ZNF804A: variants seen among roughly 807,000 people sequenced by gnomAD.
ZNF804A encodes zinc finger protein 804A.
A neutral mutation model predicts 16.5 loss-of-function variants in ZNF804A; 2 were observed. The ratio of observed to expected loss-of-function variants is 0.12; its 90% CI spans 0.05 to 0.38. ZNF804A has a LOEUF of 0.38. Ranked by LOEUF, ZNF804A falls within the 10% of genes least tolerant of loss-of-function variation. The probability of loss-of-function intolerance (pLI) is 0.99; values close to 1 mark genes in which losing one functional copy is unlikely to be tolerated. For missense variants in ZNF804A, 1,473 were observed against 1,390.7 expected (o/e 1.06, Z -0.94); for synonymous variants, 534 against 489.6 (o/e 1.09, Z -1.20).
chr2:184,609,647 G>A (rs114079628), intron 1 of ZNF804A, among the ~76,000 whole-genome samples: 3,073 of 152,292 alleles, frequency 0.02, 120 homozygotes, highest in African/African-American at 0.069. Flanking sequence ...TCTTCTCATA[G>A]CATTCTCACA....
chr2:184,640,943 T>C (rs1036632740), intron 1 of ZNF804A, among the ~76,000 whole-genome samples: 1 of 152,146 alleles, frequency 6.6e-6, no homozygotes, highest in Non-Finnish European at 1.5e-5. Flanking sequence ...TCCACTTATC[T>C]TTTTTAAAAT....
At chr2:184,829,202 G>C (rs947057446) in intron 1 of ZNF804A, among the ~76,000 whole-genome samples, 1 of 151,560 alleles carries the variant, frequency 6.6e-6, no homozygotes, top group Non-Finnish European at 1.5e-5. Flanking sequence ...AGTGCATTTA[G>C]ATTTATATCA....
chr2:184,692,987 G>A (rs149647579), intron 1 of ZNF804A, among the ~76,000 whole-genome samples: 2,522 of 152,146 alleles, frequency 0.017, 84 homozygotes, highest in African/African-American at 0.056. Context: ...TATAATATTA[G>A]TAAAATATTT....
chr2:184,897,414 T>TC (rs1685086719), intron 2 of ZNF804A, among the ~76,000 whole-genome samples: 1 of 151,046 alleles, frequency 6.6e-6, no homozygotes, highest in African/African-American at 2.4e-5. Flanking sequence ...TTTTGGATTT[T>TC]TCCCCCCCTT....
chr2:184,869,499 C>G (rs1304587884), intron 2 of ZNF804A, among the ~76,000 whole-genome samples: 1 of 151,930 alleles, frequency 6.6e-6, no homozygotes, highest in East Asian at 1.9e-4. Context: ...ATCAAACGCC[C>G]AATGAGCTCA....
intron 1 of ZNF804A, among the ~76,000 whole-genome samples, chr2:184,796,153 A>C (rs1430314417): frequency 6.6e-6 from 1 of 152,124 alleles, no homozygotes; most frequent in African/African-American, 2.4e-5. Flanking sequence ...ATCTGTGTTC[A>C]TCAAGGCTAT....
intron 1 of ZNF804A, among the ~76,000 whole-genome samples, chr2:184,832,718 C>T (rs935146104): frequency 6.6e-6 from 1 of 151,762 alleles, no homozygotes. Flanking sequence ...TTGATAAATG[C>T]TCTTACATAT....
chr2:184,821,923 C>T (rs540426118), intron 1 of ZNF804A, among the ~76,000 whole-genome samples: 13 of 152,024 alleles, frequency 8.6e-5, no homozygotes, highest in African/African-American at 2.4e-4. Context: ...CAGATGCTGG[C>T]GAGGTTGTGG....
chr2:184,887,661 G>A (rs534073746), intron 2 of ZNF804A, among the ~76,000 whole-genome samples: 123 of 152,272 alleles, frequency 8.1e-4, no homozygotes, highest in African/African-American at 2.9e-3. Flanking sequence ...AGCAAAAGCA[G>A]AAACCCCTGA....
chr2:184,818,343 C>T (rs142222080), intron 1 of ZNF804A, among the ~76,000 whole-genome samples: 12 of 152,056 alleles, frequency 7.9e-5, no homozygotes, highest in Non-Finnish European at 1.2e-4. Context: ...GGATCCTTTA[C>T]AGACAAACAA....
intron 1 of ZNF804A, among the ~76,000 whole-genome samples, chr2:184,660,749 A>G (rs1313951273): frequency 2.6e-5 from 4 of 152,226 alleles, no homozygotes; most frequent in Admixed American, 6.5e-5. Flanking sequence ...TGGGATATCT[A>G]GAGAAAACTG....
Position 184,938,017 on chromosome 2 carries a change from A to G in ZNF804A, c.2621A>G (p.Gln874Arg), listed in dbSNP as rs1164687261. 5 of 1,614,062 alleles carry G rather than the reference A, an allele frequency of 3.1e-6. No individual in the cohort carries two copies. Among genetic ancestry groups the G allele is most frequent in the Non-Finnish European group, 4.2e-6 (5 of 1,180,018 alleles). ...GAAAGGAACTCAGAACAAACAAACC[A>G]ATTAAGAAACAAACTGTCTTTCCAC... The part of the protein sequence containing the change: ...KIERNSEQTN[Q>R]LRNKLSFHPN... The change falls in exon 4 of 4, where the codon CAA becomes CGA. Residue 874 changes from glutamine to arginine, a missense_variant. Coordinates refer to ENST00000302277, the MANE Select transcript of ZNF804A (RefSeq NM_194250.2).
At position 184,779,856 on chromosome 2, in the gene ZNF804A, C is replaced by A. The variant is rs575907408; in HGVS notation, c.112-86513C>A. ...ATGTCAGATAATGAATTTGCTGTAT[C>A]TTAAGCTACTAAATTTTGTGATGTG... On this transcript the variant is annotated intron_variant, in intron 1 of 3. Coordinates refer to ENST00000302277, the MANE Select transcript of ZNF804A (RefSeq NM_194250.2). Among the ~76,000 whole-genome samples, 27 of 151,770 alleles carry A rather than the reference C, an allele frequency of 1.8e-4. No homozygotes were observed. The South Asian group carries it at 5.2e-3, about 29-fold the overall frequency.
intron 1 of ZNF804A, among the ~76,000 whole-genome samples, chr2:184,801,129 A>G (rs189767944): frequency 6.6e-6 from 1 of 152,142 alleles, no homozygotes; most frequent in East Asian, 1.9e-4. Context: ...CACGTCAAAT[A>G]TTTCACTTCA....
intron 1 of ZNF804A, among the ~76,000 whole-genome samples, chr2:184,630,695 T>C (rs1691591609): frequency 6.6e-6 from 1 of 152,164 alleles, no homozygotes; most frequent in Non-Finnish European, 1.5e-5. Context: ...ATTTTGAAAT[T>C]CTACTTCCAG....
chr2:184,659,006 A>G (rs768560736), intron 1 of ZNF804A, among the ~76,000 whole-genome samples: 1 of 152,226 alleles, frequency 6.6e-6, no homozygotes, highest in Non-Finnish European at 1.5e-5. Flanking sequence ...TCCAGAAAGA[A>G]TGCAAAAATA....
intron 1 of ZNF804A, among the ~76,000 whole-genome samples, chr2:184,859,643 T>C (rs1253480530): frequency 6.6e-6 from 1 of 152,212 alleles, no homozygotes; most frequent in Non-Finnish European, 1.5e-5. Flanking sequence ...CTTTTGGTGA[T>C]GTTCTTCTAT....
intron 1 of ZNF804A, among the ~76,000 whole-genome samples, chr2:184,707,064 C>T (rs957148487): frequency 4.6e-5 from 7 of 152,114 alleles, no homozygotes; most frequent in African/African-American, 1.4e-4. Context: ...TTCAAGGCTG[C>T]CAATTGTCTA....
At chr2:184,753,441 C>T (rs915322423) in intron 1 of ZNF804A, among the ~76,000 whole-genome samples, 1 of 151,582 alleles carries the variant, frequency 6.6e-6, no homozygotes, top group Non-Finnish European at 1.5e-5. Flanking sequence ...CCAATTCCCT[C>T]ATAAATTTAC....
Sources: gnomAD v4.1 joint callset for allele counts (sites outside exome capture counted in the v4.1 genomes callset) on GRCh38, gnomAD v4.1.1 for gene constraint, MANE v1.5 for transcripts, NCBI Gene and HGNC (gene_info 2026-07-23, HGNC 2026-07-21) for gene names.